The following MIR2052HG variants were observed in gnomAD, a reference collection of about 807,000 sequenced individuals.
MIR2052HG encodes MIR2052 host gene.
At chr8:74,688,643 ATTTTAT>A (rs1409675724) in intron 2 of MIR2052HG, among the ~76,000 whole-genome samples, 1 of 152,126 alleles carries the variant, frequency 6.6e-6, no homozygotes, top group Non-Finnish European at 1.5e-5. Context: ...CTAACATGAA[ATTTTAT>A]TTTTATTTGT....
At chr8:74,641,478 TTTC>T (rs1808638559) in intron 2 of MIR2052HG, among the ~76,000 whole-genome samples, 1 of 152,212 alleles carries the variant, frequency 6.6e-6, no homozygotes, top group South Asian at 2.1e-4. Context: ...AGCTCATTTT[TTTC>T]TTCTTATATG....
At chr8:74,616,979 C>G (rs1808291427) in intron 2 of MIR2052HG, among the ~76,000 whole-genome samples, 1 of 152,010 alleles carries the variant, frequency 6.6e-6, no homozygotes, top group African/African-American at 2.4e-5. Context: ...AAAAAAAATC[C>G]TGGCCCTTAC....
chr8:74,654,583 G>C (rs1443824417), intron 2 of MIR2052HG, among the ~76,000 whole-genome samples: 2 of 152,044 alleles, frequency 1.3e-5, no homozygotes, highest in Non-Finnish European at 2.9e-5. Flanking sequence ...TTTGCTTCTT[G>C]CTCATTTTCT....
chr8:74,715,001 T>C (rs1169257358), intron 4 of MIR2052HG, among the ~76,000 whole-genome samples: 1 of 152,150 alleles, frequency 6.6e-6, no homozygotes, highest in East Asian at 1.9e-4. Flanking sequence ...TTTTCTATTG[T>C]TTTTTTATTG....
intron 2 of MIR2052HG, among the ~76,000 whole-genome samples, chr8:74,642,915 C>T (rs1220604818): frequency 6.6e-6 from 1 of 152,180 alleles, no homozygotes; most frequent in Non-Finnish European, 1.5e-5. Context: ...GCTACCAGCA[C>T]TGGATAGTTT....
intron 2 of MIR2052HG, among the ~76,000 whole-genome samples, chr8:74,630,427 G>A (rs1234036199): frequency 6.6e-6 from 1 of 150,684 alleles, no homozygotes; most frequent in Non-Finnish European, 1.5e-5. Flanking sequence ...AAGGTAAAGA[G>A]CCAAGAGGAA....
chr8:74,665,853 G>A (rs951459338), intron 2 of MIR2052HG, among the ~76,000 whole-genome samples: 7 of 152,204 alleles, frequency 4.6e-5, no homozygotes, highest in South Asian at 2.1e-4. Context: ...TAGTGAATAC[G>A]TCTCACAAAA....
chr8:74,726,804 A>G (rs760970590), intron 4 of MIR2052HG, among the ~76,000 whole-genome samples: 28 of 151,818 alleles, frequency 1.8e-4, no homozygotes, highest in Non-Finnish European at 3.2e-4. Context: ...GTAGATACAG[A>G]GTCTTGTTGA....
At chr8:74,644,253 G>A (rs137957663) in intron 2 of MIR2052HG, among the ~76,000 whole-genome samples, 3 of 152,236 alleles carry the variant, frequency 2.0e-5, no homozygotes, top group African/African-American at 4.8e-5. Flanking sequence ...AATAACATAC[G>A]CGACAGTGGT....
intron 1 of MIR2052HG, chr8:74,603,547 C>T: frequency 6.6e-7 from 1 of 1,519,930 alleles, no homozygotes; most frequent in Middle Eastern, 1.7e-4. Context: ...TGTATCCAAA[C>T]CTGCACTGAA....
intron 4 of MIR2052HG, among the ~76,000 whole-genome samples, chr8:74,727,473 A>C (rs567577392): frequency 2.6e-5 from 4 of 152,130 alleles, no homozygotes; most frequent in African/African-American, 9.6e-5. Flanking sequence ...GAATAAGGTT[A>C]CATTCTTAGT....
chr8:74,753,502 A>G, intron 5 of MIR2052HG, among the ~76,000 whole-genome samples: 1 of 152,196 alleles, frequency 6.6e-6, no homozygotes, highest in South Asian at 2.1e-4. Context: ...AGATGACACT[A>G]AACTGACTGT....
At chr8:74,650,154 T>A (rs1421668435) in intron 2 of MIR2052HG, among the ~76,000 whole-genome samples, 3 of 152,148 alleles carry the variant, frequency 2.0e-5, no homozygotes, top group African/African-American at 7.2e-5. Flanking sequence ...ACTTTTGCAA[T>A]TGTATGCAAC....
At chr8:74,640,036 G>A (rs1364588501) in intron 2 of MIR2052HG, among the ~76,000 whole-genome samples, 1 of 152,108 alleles carries the variant, frequency 6.6e-6, no homozygotes, top group Non-Finnish European at 1.5e-5. Context: ...CTCCTTTAAT[G>A]CCTTTATTAA....
At chr8:74,717,158 C>G (rs1406265149) in intron 4 of MIR2052HG, among the ~76,000 whole-genome samples, 2 of 151,968 alleles carry the variant, frequency 1.3e-5, no homozygotes, top group African/African-American at 4.8e-5. Context: ...TCCCTCCCCT[C>G]ACCCCCGACC....
chr8:74,602,515 T>G (rs1002192424), intron 1 of MIR2052HG, among the ~76,000 whole-genome samples: 10 of 151,112 alleles, frequency 6.6e-5, no homozygotes, highest in Non-Finnish European at 1.0e-4. Flanking sequence ...TTCTTTTCTT[T>G]CTTTCTTTTT....
chr8:74,697,584 C>T (rs536752416), intron 2 of MIR2052HG, among the ~76,000 whole-genome samples: 27 of 152,154 alleles, frequency 1.8e-4, no homozygotes, highest in African/African-American at 5.5e-4. Flanking sequence ...ACCCTAAAGA[C>T]GCATCTAAAA....
intron 2 of MIR2052HG, among the ~76,000 whole-genome samples, chr8:74,667,181 C>T (rs908743608): frequency 2.0e-5 from 3 of 152,224 alleles, no homozygotes; most frequent in African/African-American, 7.2e-5. Flanking sequence ...GTCCAGAGGC[C>T]AGAGAGGAGG....
intron 2 of MIR2052HG, among the ~76,000 whole-genome samples, chr8:74,613,199 C>T (rs755187003): frequency 1.4e-4 from 22 of 152,170 alleles, no homozygotes; most frequent in Admixed American, 7.2e-4. Flanking sequence ...TTTCTTCTTG[C>T]TCTCAAAATA....
Sources: gnomAD v4.1 joint callset for allele counts (sites outside exome capture counted in the v4.1 genomes callset) on GRCh38, gnomAD v4.1.1 for gene constraint, MANE v1.5 for transcripts, NCBI Gene and HGNC (gene_info 2026-07-23, HGNC 2026-07-21) for gene names.